The following EPHA3 variants were observed in gnomAD, a reference collection of about 807,000 sequenced individuals.
EPHA3 encodes EPH receptor A3.
In EPHA3, 42 loss-of-function variants were observed where a neutral mutation model predicts 107.1. The ratio of observed to expected loss-of-function variants is 0.39; its 90% CI spans 0.31 to 0.51. EPHA3 has a LOEUF of 0.51. Among genes scored for constraint, EPHA3 ranks in the 20% least tolerant of loss-of-function variants. The pLI is 0.78. For missense variants in EPHA3, 1,183 were observed against 1,211.2 expected (o/e 0.98, Z 0.35); for synonymous variants, 461 against 424.8 (o/e 1.09, Z -1.05).
At chr3:89,322,591 T>C (rs943200936) in intron 3 of EPHA3, among the ~76,000 whole-genome samples, 11 of 152,102 alleles carry the variant, frequency 7.2e-5, no homozygotes, top group African/African-American at 2.7e-4. Flanking sequence ...CAGCCAGGTT[T>C]GGAAGTGTTT....
intron 3 of EPHA3, among the ~76,000 whole-genome samples, chr3:89,330,746 C>T (rs1707266499): frequency 6.6e-6 from 1 of 152,010 alleles, no homozygotes; most frequent in African/African-American, 2.4e-5. Context: ...TTGCAGCATC[C>T]ACAGAAATTT....
At chr3:89,191,258 TTG>T (rs1705709244) in intron 2 of EPHA3, among the ~76,000 whole-genome samples, 1 of 152,022 alleles carries the variant, frequency 6.6e-6, no homozygotes, top group Non-Finnish European at 1.5e-5. Flanking sequence ...TGATTCCTAA[TTG>T]TACCCAACTA....
intron 13 of EPHA3, among the ~76,000 whole-genome samples, chr3:89,436,674 A>G (rs1365267719): frequency 6.6e-6 from 1 of 152,210 alleles, no homozygotes; most frequent in African/African-American, 2.4e-5. Context: ...AAAACTTCTT[A>G]AACTTTGAAG....
intron 1 of EPHA3, among the ~76,000 whole-genome samples, chr3:89,118,005 C>T (rs1351222889): frequency 6.6e-6 from 1 of 151,836 alleles, no homozygotes; most frequent in Admixed American, 6.6e-5. Context: ...TCTATAAACA[C>T]CACCAAATCT....
intron 3 of EPHA3, among the ~76,000 whole-genome samples, chr3:89,235,648 T>A (rs1399285329): frequency 6.6e-6 from 1 of 152,014 alleles, no homozygotes; most frequent in Admixed American, 6.6e-5. Flanking sequence ...CAATATACCA[T>A]AATTTTTCAT....
At chr3:89,271,398 G>A (rs1045641684) in intron 3 of EPHA3, among the ~76,000 whole-genome samples, 3 of 151,962 alleles carry the variant, frequency 2.0e-5, no homozygotes, top group African/African-American at 7.2e-5. Context: ...CATGATAAAT[G>A]TATTTTTCTA....
chr3:89,337,782 AT>A (rs951788148), intron 3 of EPHA3, among the ~76,000 whole-genome samples: 2 of 152,208 alleles, frequency 1.3e-5, no homozygotes, highest in African/African-American at 4.8e-5. Context: ...TGAATTTCCT[AT>A]TCATCTAGTC....
At chr3:89,202,510 T>A (rs1480368298) in intron 2 of EPHA3, among the ~76,000 whole-genome samples, 60 of 47,740 alleles carry the variant, frequency 1.3e-3, no homozygotes, top group Middle Eastern at 8.5e-3. Context: ...AGCGAGACTC[T>A]GTCTCAAAAA....
At position 89,368,833 on chromosome 3, in the gene EPHA3, A is replaced by G. The variant is rs116368847; in HGVS notation, c.1306+26743A>G. ...ACCCAGAAAAAACAAAAAACAAAAA[A>G]CAAAAAACGCTTCACCAGCAGTATG... On this transcript the variant is annotated intron_variant, in intron 5 of 16. Coordinates refer to ENST00000336596, the MANE Select transcript of EPHA3 (RefSeq NM_005233.6). Among the ~76,000 whole-genome samples the G allele has an allele frequency of 2.8e-3, 428 of 150,478 alleles. 2 individuals carry two copies. Among genetic ancestry groups the G allele is most frequent in the African/African-American group, 0.01 (419 of 41,308 alleles).
chr3:89,373,840 A>G (rs1189612333), intron 5 of EPHA3, among the ~76,000 whole-genome samples: 2 of 151,832 alleles, frequency 1.3e-5, no homozygotes, highest in African/African-American at 2.4e-5. Context: ...ATTGCATTTT[A>G]TAAGGCTTTG....
chr3:89,243,647 T>TGTCAGAGGAGTAGCCCTTC (rs1432846065), intron 3 of EPHA3, among the ~76,000 whole-genome samples: 2 of 152,114 alleles, frequency 1.3e-5, no homozygotes, highest in Non-Finnish European at 2.9e-5. Context: ...TGTAGCCCTT[T>TGTCAGAGGAGTAGCCCTTC]GTCAGAGGAG....
At chr3:89,306,783 T>G (rs1466051036) in intron 3 of EPHA3, among the ~76,000 whole-genome samples, 2 of 152,158 alleles carry the variant, frequency 1.3e-5, no homozygotes, top group Non-Finnish European at 2.9e-5. Flanking sequence ...TTTGGCTAGC[T>G]TGAAAGCAAA....
chr3:89,411,875 T>C (rs561838585), intron 9 of EPHA3, among the ~76,000 whole-genome samples: 2 of 152,006 alleles, frequency 1.3e-5, no homozygotes, highest in Admixed American at 1.3e-4. Context: ...CCCATAATTC[T>C]CCCATTATGA....
At chr3:89,228,801 T>C (rs1475287652) in intron 3 of EPHA3, among the ~76,000 whole-genome samples, 1 of 151,804 alleles carries the variant, frequency 6.6e-6, no homozygotes. Context: ...AACGTAAACA[T>C]TTTTTTAAAA....
At chr3:89,476,079 G>A (rs1198275257) in intron 16 of EPHA3, among the ~76,000 whole-genome samples, 1 of 146,948 alleles carries the variant, frequency 6.8e-6, no homozygotes, top group Non-Finnish European at 1.5e-5. Flanking sequence ...TAAAAAAATT[G>A]TATATAAAAC....
intron 7 of EPHA3, among the ~76,000 whole-genome samples, chr3:89,401,397 A>G (rs1254019069): frequency 6.6e-6 from 1 of 152,236 alleles, no homozygotes; most frequent in Non-Finnish European, 1.5e-5. Flanking sequence ...GTATGGAGAA[A>G]TCACCCTCAG....
chr3:89,436,864 G>A (rs1709682512), intron 13 of EPHA3, among the ~76,000 whole-genome samples: 2 of 151,992 alleles, frequency 1.3e-5, no homozygotes, highest in Non-Finnish European at 2.9e-5. Flanking sequence ...ACATTTTTAT[G>A]TTTATTTTCT....
chr3:89,357,112 A>T (rs1707978529), intron 5 of EPHA3, among the ~76,000 whole-genome samples: 2 of 137,594 alleles, frequency 1.5e-5, no homozygotes. Context: ...GTCTCAAAAA[A>T]AAAAAAAAAA....
intron 3 of EPHA3, among the ~76,000 whole-genome samples, chr3:89,323,436 T>C (rs1371867255): frequency 2.0e-5 from 3 of 152,124 alleles, no homozygotes; most frequent in Non-Finnish European, 4.4e-5. Context: ...CTCTTAACAA[T>C]TAAAATGTGC....
Sources: allele counts gnomAD v4.1 joint callset (sites outside exome capture counted in the v4.1 genomes callset), GRCh38; gene constraint gnomAD v4.1.1; transcripts MANE v1.5; gene names NCBI Gene and HGNC (gene_info 2026-07-23, HGNC 2026-07-21).